CACNB2: variants seen among roughly 807,000 people sequenced by gnomAD.
CACNB2 encodes voltage-dependent L-type calcium channel subunit beta-2.
Under a neutral mutation model 73.3 loss-of-function variants are expected in CACNB2, and 42 were observed. The observed-to-expected ratio is 0.57, with a 90% CI of 0.45 to 0.74. The LOEUF is 0.74. Among genes scored for constraint, CACNB2 ranks in the 30% least tolerant of loss-of-function variants. The pLI, the probability that CACNB2 is intolerant of heterozygous loss-of-function variation, is 0.00. For missense variants in CACNB2, 940 were observed against 853.0 expected, an observed-to-expected ratio of 1.10 and a Z score of -1.27; for synonymous variants, 348 against 310.3, an observed-to-expected ratio of 1.12 and a Z score of -1.28.
At chr10:18,418,759 G>T (rs913358130) in intron 3 of CACNB2, among the ~76,000 whole-genome samples, 13 of 152,148 alleles carry the variant, frequency 8.5e-5, no homozygotes, top group Non-Finnish European at 1.9e-4. Flanking sequence ...AGGGCATCAG[G>T]GCGTCAGTTC....
At chr10:18,489,551 C>T (rs962757407) in intron 3 of CACNB2, among the ~76,000 whole-genome samples, 6 of 151,764 alleles carry the variant, frequency 4.0e-5, no homozygotes, top group Non-Finnish European at 5.9e-5. Flanking sequence ...GCTGAGACTA[C>T]AAGCGTGTGC....
intron 3 of CACNB2, among the ~76,000 whole-genome samples, chr10:18,417,033 TAAA>T (rs892817878): frequency 1.4e-5 from 2 of 143,054 alleles, no homozygotes; most frequent in Non-Finnish European, 3.1e-5. Context: ...GAAAGTGCAT[TAAA>T]AAAAAAAAGA....
intron 1 of CACNB2, among the ~76,000 whole-genome samples, chr10:18,147,523 G>A (rs11012802): frequency 0.034 from 5,190 of 152,108 alleles, 288 homozygotes; most frequent in African/African-American, 0.12. Context: ...GAATCTATAG[G>A]TAACACCTTG....
rs7475018 is a variant in CACNB2, at chr10:18,428,922, T to C, written c.333+26879T>C. On this transcript the variant is annotated intron_variant, in intron 3 of 13. Coordinates refer to ENST00000324631, the MANE Select transcript of CACNB2 (RefSeq NM_201596.3). ...GCCAATAATTTGGTTTTATGTTTTC[T>C]TAACCTTACACACCAAATATTTTTA... 2.6e-4 allele frequency among the ~76,000 whole-genome samples: 40 copies of C among 152,334 alleles called. No individual in the cohort carries two copies. The East Asian group carries it at 6.0e-3, about 23-fold the overall frequency.
At chr10:18,286,444 G>A (rs2038799517) in intron 2 of CACNB2, among the ~76,000 whole-genome samples, 1 of 144,102 alleles carries the variant, frequency 6.9e-6, no homozygotes, top group South Asian at 2.3e-4. Context: ...CGTGAACCCT[G>A]CAGGTGGAGC....
chr10:18,402,830 G>T (rs2044079250), intron 3 of CACNB2, among the ~76,000 whole-genome samples: 1 of 152,332 alleles, frequency 6.6e-6, no homozygotes, highest in Middle Eastern at 3.4e-3. Flanking sequence ...TAACATGGTT[G>T]TTGATTTTCC....
chr10:18,258,470 G>A (rs140493803), intron 2 of CACNB2, among the ~76,000 whole-genome samples: 115 of 152,294 alleles, frequency 7.6e-4, no homozygotes, highest in African/African-American at 2.5e-3. Flanking sequence ...GCTCACGCCT[G>A]TAATCCCAGC....
intron 3 of CACNB2, among the ~76,000 whole-genome samples, chr10:18,487,199 C>G (rs907727251): frequency 6.6e-6 from 1 of 152,140 alleles, no homozygotes; most frequent in African/African-American, 2.4e-5. Flanking sequence ...CCTCACTGTA[C>G]TTGTGGTTGA....
chr10:18,446,173 G>A (rs2046725694), intron 3 of CACNB2, among the ~76,000 whole-genome samples: 1 of 152,172 alleles, frequency 6.6e-6, no homozygotes, highest in Non-Finnish European at 1.5e-5. Context: ...GAAATTTAAG[G>A]ACCAGGGGTC....
At chr10:18,299,048 C>T (rs1241147677) in intron 2 of CACNB2, among the ~76,000 whole-genome samples, 1 of 114,296 alleles carries the variant, frequency 8.7e-6, no homozygotes, top group Admixed American at 9.4e-5. Context: ...GCACATGTAC[C>T]CTAAAACTTA....
At chr10:18,326,154 C>G (rs960832679) in intron 2 of CACNB2, among the ~76,000 whole-genome samples, 1 of 151,236 alleles carries the variant, frequency 6.6e-6, no homozygotes, top group East Asian at 1.9e-4. Context: ...TACAGTTATT[C>G]AGAGTTAGTG....
rs777853455 is a variant in CACNB2 at position 18,539,242 on chromosome 10, G to A, written c.1501G>A (p.Asp501Asn). The part of the protein sequence containing the change: ...LASNSQGSQG[D>N]QRTDRSAPIR... ...CTTTCGCTGCCAGGGTTCTCAAGGTGATCAGAGGACTGATCGCTCCGCTCC... is the reference window on the plus strand; with the variant it reads ...CTTTCGCTGCCAGGGTTCTCAAGGTAATCAGAGGACTGATCGCTCCGCTCC... The change falls in exon 14 of 14, where the codon GAT becomes AAT. Residue 501 changes from aspartate to asparagine, a missense_variant. By Grantham distance (23) the Asp-to-Asn change is conservative. Transcript: ENST00000324631. The A allele has an allele frequency of 1.2e-6, 2 of 1,613,882 alleles. No individual in the cohort carries two copies. Among genetic ancestry groups the A allele is most frequent in the South Asian group, 1.1e-5 (1 of 91,052 alleles).
intron 2 of CACNB2, among the ~76,000 whole-genome samples, chr10:18,312,432 A>G (rs2039996557): frequency 1.3e-5 from 2 of 152,232 alleles, no homozygotes; most frequent in Admixed American, 1.3e-4. Flanking sequence ...CTTGCCCACA[A>G]AGGAATAATT....
intron 1 of CACNB2, among the ~76,000 whole-genome samples, chr10:18,146,581 G>A (rs1455247509): frequency 6.6e-6 from 1 of 151,798 alleles, no homozygotes; most frequent in Admixed American, 6.6e-5. Context: ...GGGTTCAGGC[G>A]ATTCTCCTGC....
intron 6 of CACNB2, among the ~76,000 whole-genome samples, chr10:18,511,070 G>A (rs752745540): frequency 6.6e-6 from 1 of 152,194 alleles, no homozygotes; most frequent in East Asian, 1.9e-4. Flanking sequence ...TGGTATAAAA[G>A]TCAGCACTGG....
chr10:18,236,329 C>A (rs886274703), intron 2 of CACNB2, among the ~76,000 whole-genome samples: 2 of 152,210 alleles, frequency 1.3e-5, no homozygotes, highest in African/African-American at 2.4e-5. Flanking sequence ...ACCACCTAGT[C>A]TCCAAAATGG....
chr10:18,474,951 C>G (rs962537254), intron 3 of CACNB2, among the ~76,000 whole-genome samples: 4 of 151,510 alleles, frequency 2.6e-5, no homozygotes, highest in African/African-American at 9.7e-5. Flanking sequence ...TCCAGGTTAT[C>G]CTCAACTTCT....
At chr10:18,394,134 G>A (rs903233478) in intron 2 of CACNB2, among the ~76,000 whole-genome samples, 2 of 151,704 alleles carry the variant, frequency 1.3e-5, no homozygotes, top group Non-Finnish European at 2.9e-5. Context: ...TACAGACAGG[G>A]TTTCACCATA....
chr10:18,332,912 A>G (rs2040859085), intron 2 of CACNB2, among the ~76,000 whole-genome samples: 1 of 152,246 alleles, frequency 6.6e-6, no homozygotes, highest in Non-Finnish European at 1.5e-5. Flanking sequence ...TGTTAAATGC[A>G]GGTTACAAGT....
Sources: allele counts gnomAD v4.1 joint callset (sites outside exome capture counted in the v4.1 genomes callset), GRCh38; gene constraint gnomAD v4.1.1; transcripts MANE v1.5; gene names NCBI Gene and HGNC (gene_info 2026-07-23, HGNC 2026-07-21).